CSMD1: variants seen among roughly 807,000 people sequenced by gnomAD.
CSMD1 encodes CUB and sushi domain-containing protein 1.
Under a neutral mutation model 417.5 loss-of-function variants are expected in CSMD1, and 213 were observed. The observed-to-expected ratio is 0.51, with a 90% CI of 0.46 to 0.57. The LOEUF (loss-of-function observed/expected upper bound fraction) is 0.57, where lower values mean the gene tolerates loss of function less well. Among genes scored for constraint, CSMD1 ranks in the 20% least tolerant of loss-of-function variants. The pLI, the probability that CSMD1 is intolerant of heterozygous loss-of-function variation, is 0.00. For missense variants in CSMD1, 6,923 were observed against 4,529.7 expected, an observed-to-expected ratio of 1.53 and a Z score of -15.17; for synonymous variants, 2,862 against 1,736.8, an observed-to-expected ratio of 1.65 and a Z score of -16.11.
intron 3 of CSMD1, among the ~76,000 whole-genome samples, chr8:4,214,108 T>G (rs926349026): frequency 1.2e-4 from 18 of 151,860 alleles, no homozygotes; most frequent in Non-Finnish European, 2.6e-4. Flanking sequence ...TCAATTTCAT[T>G]CCAGTTTTTT....
chr8:4,746,765 C>A lies in CSMD1; in HGVS notation c.86-109207G>T, dbSNP rs570886749. On this transcript the variant is annotated intron_variant, in intron 1 of 69. Coordinates refer to ENST00000635120, the MANE Select transcript of CSMD1 (RefSeq NM_033225.6). ...ACCGGTAGAACCTTCACTACAGCAG[C>A]GAGGTCATTCTGAAGGCATCATACC... is the stretch of plus-strand genomic sequence containing the variant. Among the ~76,000 whole-genome samples, 15 of 152,244 alleles carry A rather than the reference C, an allele frequency of 9.9e-5. No homozygotes were observed. In the South Asian group the frequency reaches 2.9e-3, roughly 29 times the overall value.
chr8:4,902,431 G>T (rs1337422289), intron 1 of CSMD1, among the ~76,000 whole-genome samples: 1 of 119,714 alleles, frequency 8.4e-6, no homozygotes, highest in Non-Finnish European at 2.0e-5. Context: ...TCTCTAAAGA[G>T]GAGAAAAAAA....
intron 3 of CSMD1, among the ~76,000 whole-genome samples, chr8:4,271,123 C>T (rs527384347): frequency 6.6e-6 from 1 of 152,238 alleles, no homozygotes; most frequent in African/African-American, 2.4e-5. Flanking sequence ...CCTCATTCTG[C>T]CTGGAGCTTA....
chr8:3,860,087 C>G (rs1032419080), intron 5 of CSMD1, among the ~76,000 whole-genome samples: 1 of 151,974 alleles, frequency 6.6e-6, no homozygotes, highest in African/African-American at 2.4e-5. Flanking sequence ...GATAATAGGT[C>G]ACACTTTAAA....
intron 2 of CSMD1, among the ~76,000 whole-genome samples, chr8:4,518,254 A>G (rs892164552): frequency 5.9e-5 from 9 of 152,108 alleles, no homozygotes; most frequent in African/African-American, 1.9e-4. Flanking sequence ...CCTCCCACAG[A>G]CACAAAACAG....
chr8:3,817,488 C>T (rs558553211), intron 5 of CSMD1, among the ~76,000 whole-genome samples: 5 of 151,770 alleles, frequency 3.3e-5, no homozygotes, highest in East Asian at 2.0e-4. Flanking sequence ...ACCTCGTTAG[C>T]GAGGATGGTC....
intron 1 of CSMD1, among the ~76,000 whole-genome samples, chr8:4,804,583 G>C (rs1280645130): frequency 6.6e-6 from 1 of 151,428 alleles, no homozygotes. Context: ...TAGGGAGGGA[G>C]GAAGGAAGGA....
intron 2 of CSMD1, among the ~76,000 whole-genome samples, chr8:4,605,487 G>A (rs764910675): frequency 3.5e-4 from 53 of 152,078 alleles, no homozygotes; most frequent in African/African-American, 1.2e-3. Flanking sequence ...CTTTATGCCC[G>A]ACTGCCAATT....
chr8:3,272,649 C>G (rs1304189937), intron 26 of CSMD1, among the ~76,000 whole-genome samples: 1 of 138,450 alleles, frequency 7.2e-6, no homozygotes, highest in Non-Finnish European at 1.6e-5. Context: ...TCCTTCACAT[C>G]CCTTGTAAGT....
chr8:4,473,535 T>G (rs1003665553), intron 2 of CSMD1, among the ~76,000 whole-genome samples: 1 of 152,212 alleles, frequency 6.6e-6, no homozygotes, highest in African/African-American at 2.4e-5. Context: ...AATTAGGCTA[T>G]GCCTTTTTCT....
intron 3 of CSMD1, among the ~76,000 whole-genome samples, chr8:4,384,320 T>A (rs2128920369): frequency 6.6e-6 from 1 of 152,290 alleles, no homozygotes; most frequent in South Asian, 2.1e-4. Flanking sequence ...TTCCGAAATC[T>A]ACCTCATGGC....
chr8:3,010,120 C>T (rs984556511), intron 52 of CSMD1, among the ~76,000 whole-genome samples: 4 of 152,174 alleles, frequency 2.6e-5, no homozygotes, highest in South Asian at 2.1e-4. Flanking sequence ...AAATCCACCG[C>T]AGGTGCGCAT....
intron 3 of CSMD1, among the ~76,000 whole-genome samples, chr8:4,220,831 G>T (rs2407314): frequency 6.6e-5 from 10 of 152,030 alleles, no homozygotes; most frequent in African/African-American, 1.9e-4. Flanking sequence ...ATGGGGCTGA[G>T]TGAGAACTAC....
intron 1 of CSMD1, among the ~76,000 whole-genome samples, chr8:4,717,720 T>G (rs1808776190): frequency 6.6e-6 from 1 of 152,136 alleles, no homozygotes; most frequent in Non-Finnish European, 1.5e-5. Context: ...TCACATACAG[T>G]GGAGCCATGT....
intron 10 of CSMD1, among the ~76,000 whole-genome samples, chr8:3,512,623 A>G (rs542944342): frequency 4.8e-4 from 68 of 142,114 alleles, no homozygotes; most frequent in Middle Eastern, 3.5e-3. Context: ...TTTTTTTAAG[A>G]CAGAGTCTTG....
At chr8:3,669,170 G>C (rs1585046316) in intron 7 of CSMD1, among the ~76,000 whole-genome samples, 1 of 152,180 alleles carries the variant, frequency 6.6e-6, no homozygotes, top group African/African-American at 2.4e-5. Flanking sequence ...ACGTACAAAT[G>C]AGCATAAAGT....
chr8:4,182,050 G>C (rs1427355274), intron 3 of CSMD1, among the ~76,000 whole-genome samples: 1 of 151,824 alleles, frequency 6.6e-6, no homozygotes, highest in Non-Finnish European at 1.5e-5. Context: ...GTGTCGGTGT[G>C]TGTGTGTGTG....
intron 2 of CSMD1, among the ~76,000 whole-genome samples, chr8:4,534,454 T>C (rs1796997662): frequency 6.6e-6 from 1 of 152,220 alleles, no homozygotes; most frequent in Non-Finnish European, 1.5e-5. Context: ...ATTAATATTT[T>C]TGTTATTGTT....
At chr8:4,527,873 A>G (rs1796601206) in intron 2 of CSMD1, among the ~76,000 whole-genome samples, 1 of 152,172 alleles carries the variant, frequency 6.6e-6, no homozygotes, top group Non-Finnish European at 1.5e-5. Context: ...TAGTTCTATG[A>G]AATCAGACTT....
Sources: gnomAD v4.1 joint callset for allele counts (sites outside exome capture counted in the v4.1 genomes callset) on GRCh38, gnomAD v4.1.1 for gene constraint, MANE v1.5 for transcripts, NCBI Gene and HGNC (gene_info 2026-07-23, HGNC 2026-07-21) for gene names.